CNOT1: variants seen among roughly 807,000 people sequenced by gnomAD.
The protein encoded by CNOT1 is CCR4-NOT transcription complex subunit 1.
Under a neutral mutation model 273.8 loss-of-function variants are expected in CNOT1, and 15 were observed. The observed-to-expected ratio is 0.05, with a 90% confidence interval of 0.04 to 0.08. The LOEUF (loss-of-function observed/expected upper bound fraction) is 0.08, where lower values mean the gene tolerates loss of function less well. Ranked by LOEUF, CNOT1 falls within the 10% of genes least tolerant of loss-of-function variation. The pLI is 1.00. For synonymous variants in CNOT1, 1,022 were observed against 1,005.5 expected (o/e 1.02, Z -0.31); for missense variants, 1,644 against 2,912.2 (o/e 0.56, Z 10.02).
At chr16:58,541,998 A>G (rs993604571) in intron 33 of CNOT1, among the ~76,000 whole-genome samples, 1 of 152,244 alleles carries the variant, frequency 6.6e-6, no homozygotes. Flanking sequence ...TAGCAGGCAC[A>G]TGAACTCCTT....
Position 58,585,189 on chromosome 16 carries a change from A to G in CNOT1, c.806+149T>C, listed in dbSNP as rs2041795588. 3.6e-6 allele frequency: 4 copies of G among 1,112,156 alleles called. No homozygotes were observed. The East Asian group carries it at 1.0e-4, about 28-fold the overall frequency. 68.9% of individuals were successfully genotyped at this position (1,112,156 alleles called of 1,614,324 possible). A position where few individuals can be genotyped will look rare whatever the true frequency, so the allele number is the denominator to read the frequency against. ...CCCAGGATGTTTACAGCTGTCACAC[A>G]CACTAGTTCGTGGAAGATTAAAATT... On this transcript the variant is annotated intron_variant, in intron 8 of 48. Transcript: ENST00000317147.
chr16:58,581,519 A>C lies in CNOT1; in HGVS notation c.1045-4T>G. On this transcript the variant is annotated splice_region_variant and splice_polypyrimidine_tract_variant and intron_variant, in intron 10 of 48. Transcript: ENST00000317147. ...CCTTGAAATTCAAACTTGGATTCTA[A>C]AAAAGACCAAAGCAGTTTAAAATGT... The C allele has an allele frequency of 6.2e-7, 1 of 1,609,490 alleles. No homozygotes were observed. Among genetic ancestry groups the C allele is most frequent in the Non-Finnish European group, 8.5e-7 (1 of 1,178,234 alleles).
chr16:58,560,344 T>A lies in CNOT1; in HGVS notation c.1998A>T (p.Leu666=). 2 of 1,614,090 alleles carry A rather than the reference T, an allele frequency of 1.2e-6. No individual in the cohort carries two copies. Among genetic ancestry groups the A allele is most frequent in the Non-Finnish European group, 1.7e-6 (2 of 1,180,002 alleles). Residue 666 remains leucine (L), a synonymous_variant, in exon 17 of 49, where the codon CTA becomes CTT. Transcript: ENST00000317147. ...QACAGSVSQE[L]SETILTMVAN... is the part of the protein sequence containing the mutation. ...CTACCATGGTGAGGATAGTTTCTGA[T>A]AGCTCCTGAGAAACACTCCTAAAAT...
chr16:58,627,976 T>C (rs1475512188), intron 1 of CNOT1, among the ~76,000 whole-genome samples: 2 of 152,098 alleles, frequency 1.3e-5, no homozygotes, highest in Non-Finnish European at 2.9e-5. Flanking sequence ...TACAGGCACC[T>C]GCCACCACGC....
intron 38 of CNOT1, 79 bp from the exon 39 acceptor site, chr16:58,537,299 A>ATTT: frequency 6.6e-7 from 1 of 1,503,764 alleles, no homozygotes; most frequent in East Asian, 2.3e-5. Flanking sequence ...TAGTTTGCTT[A>ATTT]TTTAACAGCA....
chr16:58,549,916 C>T lies in CNOT1; in HGVS notation c.3343-18G>A. Reference sequence around the variant, plus strand: ...TCTTCAACCTAGCCGGTCAATACGACATGGGAAGCACAGAATTACACTATG... The same window carrying T: ...TCTTCAACCTAGCCGGTCAATACGATATGGGAAGCACAGAATTACACTATG... On this transcript the variant is annotated intron_variant, in intron 24 of 48. Coordinates refer to ENST00000317147, the MANE Select transcript of CNOT1 (RefSeq NM_016284.5). 3 of 1,613,252 alleles carry T rather than the reference C, an allele frequency of 1.9e-6. No homozygotes were observed. Among genetic ancestry groups the T allele is most frequent in the Non-Finnish European group, 2.5e-6 (3 of 1,179,786 alleles).
At position 58,585,360 on chromosome 16, in the gene CNOT1, C is replaced by G; in HGVS notation, c.784G>C (p.Val262Leu). Residue 262 changes from valine (V) to leucine (L), a missense_variant, in exon 8 of 49, where the codon GTA (valine) becomes CTA (leucine). Around this residue, in one of 13 missense-constraint regions of CNOT1, gnomAD observed 706 missense variants for 1,021.2 expected, o/e 0.69. Transcript: ENST00000317147. Reference protein sequence around the residue: ...ESSLADFMQEVGYGFCASIEE... With the variant: ...ESSLADFMQELGYGFCASIEE... ...AACCTTGCACAAAAGCCATAGCCTACTTCTTGCATGAAATCAGCCAAAGAG... is the reference window on the plus strand; with the variant it reads ...AACCTTGCACAAAAGCCATAGCCTAGTTCTTGCATGAAATCAGCCAAAGAG... 1 of 1,613,888 alleles carries G rather than the reference C, an allele frequency of 6.2e-7. No homozygotes were observed. Among genetic ancestry groups the G allele is most frequent in the Non-Finnish European group, 8.5e-7 (1 of 1,180,000 alleles).
intron 1 of CNOT1, 24 bp from the exon 2 acceptor site, chr16:58,599,535 C>T (rs1597563079): frequency 3.3e-6 from 2 of 601,366 alleles, no homozygotes; most frequent in South Asian, 6.2e-5. Context: ...CACACACACA[C>T]AAATCCAGAT....
intron 1 of CNOT1, among the ~76,000 whole-genome samples, chr16:58,620,260 G>A (rs1019248782): frequency 3.9e-5 from 6 of 152,164 alleles, no homozygotes; most frequent in Non-Finnish European, 8.8e-5. Context: ...AATCAATTTT[G>A]CTTAAGGAAA....
At chr16:58,598,255 G>A (rs545902993) in intron 2 of CNOT1, among the ~76,000 whole-genome samples, 15 of 152,136 alleles carry the variant, frequency 9.9e-5, no homozygotes, top group Admixed American at 4.6e-4. Context: ...AAAATTAGCC[G>A]AGCATGATGG....
intron 1 of CNOT1, among the ~76,000 whole-genome samples, chr16:58,625,844 T>C (rs1027722898): frequency 8.7e-6 from 1 of 114,968 alleles, no homozygotes; most frequent in Non-Finnish European, 1.7e-5. Flanking sequence ...GGCATTGAAG[T>C]GAAACCCTGT....
chr16:58,550,518 C>G (rs1215448955), intron 24 of CNOT1, among the ~76,000 whole-genome samples: 1 of 151,878 alleles, frequency 6.6e-6, no homozygotes, highest in Non-Finnish European at 1.5e-5. Context: ...CATAGTTTTT[C>G]TAGTTTATTT....
intron 40 of CNOT1, chr16:58,532,626 A>G: frequency 1.6e-6 from 1 of 625,134 alleles, no homozygotes; most frequent in Non-Finnish European, 2.5e-6. Context: ...CCACACCTGA[A>G]TATTCTCCAC....
intron 38 of CNOT1, 132 bp from the exon 39 acceptor site, chr16:58,537,352 T>A: frequency 7.6e-7 from 1 of 1,320,852 alleles, no homozygotes; most frequent in East Asian, 2.6e-5. Context: ...ACTTCCACAC[T>A]GAAACAAAAC....
At chr16:58,588,120 A>G (rs560833478) in intron 3 of CNOT1, among the ~76,000 whole-genome samples, 28 of 152,196 alleles carry the variant, frequency 1.8e-4, no homozygotes, top group African/African-American at 6.7e-4. Flanking sequence ...CCAACATGGT[A>G]AAACCCTCTC....
intron 8 of CNOT1, 83 bp from the exon 9 acceptor site, chr16:58,583,265 T>C (rs1332659332): frequency 2.5e-6 from 4 of 1,569,384 alleles, no homozygotes; most frequent in African/African-American, 2.7e-5. Flanking sequence ...TGAACCTTGT[T>C]TGAAAGCCTT....
chr16:58,539,822 T>A lies in CNOT1; in HGVS notation c.4938A>T (p.Val1646=). ...AQALRSLLEV[V]VLSRNSRDAI... is the part of the protein sequence containing the mutation. Reference sequence around the variant, plus strand: ...CATCCCGAGAGTTTCGAGATAAAACTACAACCTCCAAGAGACTTCGAAGAG... The same window carrying A: ...CATCCCGAGAGTTTCGAGATAAAACAACAACCTCCAAGAGACTTCGAAGAG... Residue 1646 remains valine, a synonymous_variant, in exon 35 of 49, where the codon GTA becomes GTT. Transcript: ENST00000317147. 6.2e-7 allele frequency: 1 copy of A among 1,614,176 alleles called. No individual in the cohort carries two copies. The highest frequency in any genetic ancestry group is 8.5e-7 in the Non-Finnish European group (1 of 1,180,026).
At position 58,576,607 on chromosome 16, in the gene CNOT1, T is replaced by C. The variant is rs115776319; in HGVS notation, c.1585-25A>G. The C allele has an allele frequency of 6.9e-5, 112 of 1,613,704 alleles. No homozygotes were observed. The African/African-American group carries it at 1.3e-3, about 19-fold the overall frequency. On this transcript the variant is annotated intron_variant, in intron 13 of 48. Transcript: ENST00000317147. ...CCTAAAAAGGGGAAGAAAGATTAAA[T>C]AGCAATACTGCTAAACACTGTGATA...
chr16:58,523,336 T>C, intron 47 of CNOT1, 34 bp downstream of exon 47: 1 of 1,558,770 alleles, frequency 6.4e-7, no homozygotes, highest in South Asian at 1.2e-5. Flanking sequence ...AGGAGATCCT[T>C]TTGAAGCATT....
Sources: allele counts gnomAD v4.1 joint callset (sites outside exome capture counted in the v4.1 genomes callset), GRCh38; gene constraint gnomAD v4.1.1; regional missense constraint gnomAD v4.1.1; transcripts MANE v1.5; gene names NCBI Gene and HGNC (gene_info 2026-07-23, HGNC 2026-07-21).